The following APBB2 variants were observed in gnomAD, a reference collection of about 807,000 sequenced individuals.
The protein encoded by APBB2 is Fe65-like 1.
APBB2 carries 38 observed loss-of-function variants against 82.5 expected under a neutral mutation model. That is an observed-to-expected ratio of 0.46 (90% CI 0.36 to 0.60). The LOEUF is 0.60. Ranked by LOEUF, APBB2 falls within the 20% of genes least tolerant of loss-of-function variation. APBB2 has a pLI of 0.00. For missense variants in APBB2, 772 were observed against 972.3 expected, an observed-to-expected ratio of 0.79 and a Z score of 2.74; for synonymous variants, 341 against 368.2, an observed-to-expected ratio of 0.93 and a Z score of 0.85.
intron 16 of APBB2, chr4:40,822,466 T>G (rs1423282414): frequency 6.2e-6 from 1 of 160,872 alleles, no homozygotes; most frequent in African/African-American, 2.4e-5. Context: ...CGTCCAGTGA[T>G]TCTTACCCAA....
chr4:41,209,430 C>G (rs79984038), intron 1 of APBB2, among the ~76,000 whole-genome samples: 1 of 152,244 alleles, frequency 6.6e-6, no homozygotes, highest in Non-Finnish European at 1.5e-5. Flanking sequence ...CAGCCAATCA[C>G]AGGCATCTGT....
intron 10 of APBB2, among the ~76,000 whole-genome samples, chr4:40,917,795 G>T (rs1003034754): frequency 1.3e-5 from 2 of 152,178 alleles, no homozygotes; most frequent in Non-Finnish European, 2.9e-5. Flanking sequence ...CAGTAATGGT[G>T]AACTTCTTAA....
chr4:40,873,154 G>A (rs1301443577), intron 12 of APBB2, among the ~76,000 whole-genome samples: 1 of 151,812 alleles, frequency 6.6e-6, no homozygotes, highest in African/African-American at 2.4e-5. Context: ...TCCTGCCCTG[G>A]TTAGCATACT....
intron 12 of APBB2, among the ~76,000 whole-genome samples, chr4:40,841,619 G>A (rs1227069684): frequency 1.3e-5 from 2 of 152,084 alleles, no homozygotes; most frequent in Admixed American, 1.3e-4. Flanking sequence ...GTAGCCTAGT[G>A]CCAACCCTTA....
chr4:40,994,144 G>A (rs912743825), intron 6 of APBB2, among the ~76,000 whole-genome samples: 25 of 152,006 alleles, frequency 1.6e-4, no homozygotes, highest in Admixed American at 1.3e-3. Flanking sequence ...AAAATTAGCC[G>A]GGCACGGTAG....
chr4:41,140,976 G>A (rs1758954571), intron 2 of APBB2, among the ~76,000 whole-genome samples: 2 of 152,114 alleles, frequency 1.3e-5, no homozygotes. Context: ...AATAATAATA[G>A]AAATAAAGTG....
intron 6 of APBB2, among the ~76,000 whole-genome samples, chr4:40,962,903 G>A (rs893486831): frequency 2.6e-5 from 4 of 152,200 alleles, no homozygotes; most frequent in Admixed American, 6.5e-5. Context: ...ACTAGGCCTC[G>A]AATTCCAGCC....
At chr4:40,844,977 A>T (rs572801967) in intron 12 of APBB2, among the ~76,000 whole-genome samples, 6 of 152,228 alleles carry the variant, frequency 3.9e-5, no homozygotes, top group Non-Finnish European at 8.8e-5. Context: ...TATAATTATT[A>T]TTGTAGTCTT....
intron 3 of APBB2, among the ~76,000 whole-genome samples, chr4:41,095,562 T>G (rs189584772): frequency 6.6e-6 from 1 of 152,320 alleles, no homozygotes; most frequent in African/African-American, 2.4e-5. Flanking sequence ...TAATCATACC[T>G]ATTACTTTTA....
intron 10 of APBB2, among the ~76,000 whole-genome samples, chr4:40,898,743 C>A (rs1321705624): frequency 6.6e-6 from 1 of 151,340 alleles, no homozygotes; most frequent in African/African-American, 2.4e-5. Flanking sequence ...CATGGTGGCT[C>A]ATGCTTGTAA....
chr4:40,998,503 A>C (rs1037011365), intron 6 of APBB2, among the ~76,000 whole-genome samples: 2 of 152,210 alleles, frequency 1.3e-5, no homozygotes, highest in African/African-American at 4.8e-5. Context: ...GAATATCCAC[A>C]ATTGCCTGAA....
intron 4 of APBB2, among the ~76,000 whole-genome samples, chr4:41,041,536 G>C (rs1354094531): frequency 2.0e-5 from 3 of 152,132 alleles, no homozygotes; most frequent in Non-Finnish European, 4.4e-5. Flanking sequence ...CACATAGCTG[G>C]TCACTGCATA....
At chr4:41,089,063 C>T (rs1302506799) in intron 3 of APBB2, among the ~76,000 whole-genome samples, 1 of 152,108 alleles carries the variant, frequency 6.6e-6, no homozygotes, top group Non-Finnish European at 1.5e-5. Flanking sequence ...CTAAGAGATC[C>T]AGTGGGTTTC....
At chr4:41,016,196 T>C (rs572132878) in intron 5 of APBB2, among the ~76,000 whole-genome samples, 6 of 152,332 alleles carry the variant, frequency 3.9e-5, no homozygotes, top group African/African-American at 1.4e-4. Context: ...ACATTTATAT[T>C]AGGCTGCTTT....
At chr4:40,874,111 T>C (rs1170413819) in intron 12 of APBB2, among the ~76,000 whole-genome samples, 2 of 152,344 alleles carry the variant, frequency 1.3e-5, no homozygotes, top group Non-Finnish European at 2.9e-5. Flanking sequence ...GGCGAAATAT[T>C]AGTTGGAACC....
intron 12 of APBB2, chr4:40,842,223 GAAACA>G (rs374823141): frequency 7.9e-5 from 28 of 353,036 alleles, no homozygotes; most frequent in East Asian, 2.3e-4. Context: ...GATAAGAGGC[GAAACA>G]AAACAAAACA....
chr4:41,039,478 C>T (rs993276344), intron 4 of APBB2, among the ~76,000 whole-genome samples: 4 of 152,182 alleles, frequency 2.6e-5, no homozygotes, highest in Non-Finnish European at 5.9e-5. Context: ...TGGTAACCAT[C>T]GATCTGACAG....
chr4:41,015,611 G>T (rs1809683109), intron 5 of APBB2, among the ~76,000 whole-genome samples: 1 of 152,124 alleles, frequency 6.6e-6, no homozygotes, highest in East Asian at 1.9e-4. Context: ...GCTCATTCTA[G>T]AGTCCCTATG....
intron 17 of APBB2, among the ~76,000 whole-genome samples, chr4:40,818,242 G>A (rs1300736826): frequency 1.3e-5 from 2 of 152,250 alleles, no homozygotes; most frequent in African/African-American, 4.8e-5. Flanking sequence ...GATTCAGAGC[G>A]GGCAGGAGAG....
Sources: gnomAD v4.1 joint callset for allele counts (sites outside exome capture counted in the v4.1 genomes callset) on GRCh38, gnomAD v4.1.1 for gene constraint, MANE v1.5 for transcripts, NCBI Gene and HGNC (gene_info 2026-07-23, HGNC 2026-07-21) for gene names.